The following PDSS2 variants were observed in gnomAD, a reference collection of about 807,000 sequenced individuals.
The protein encoded by PDSS2 is all trans-polyprenyl-diphosphate synthase PDSS2.
In PDSS2, 31 loss-of-function variants were observed where a neutral mutation model predicts 44.5. The observed-to-expected ratio is 0.70, with a 90% CI of 0.52 to 0.94. PDSS2 has a LOEUF of 0.94. Ranked by LOEUF, PDSS2 falls within the 40% of genes least tolerant of loss-of-function variation. The pLI is 0.00. For synonymous variants in PDSS2, 157 were observed against 180.3 expected, an observed-to-expected ratio of 0.87 and a Z score of 1.03; for missense variants, 452 against 482.2, an observed-to-expected ratio of 0.94 and a Z score of 0.59.
intron 3 of PDSS2, among the ~76,000 whole-genome samples, chr6:107,248,348 C>T (rs1774696984): frequency 1.3e-5 from 2 of 151,826 alleles, no homozygotes; most frequent in African/African-American, 2.4e-5. Context: ...GAGCTGAAGT[C>T]CTGTTGCTAT....
chr6:107,314,089 G>A (rs996710338), intron 2 of PDSS2, among the ~76,000 whole-genome samples: 17 of 152,146 alleles, frequency 1.1e-4, no homozygotes, highest in African/African-American at 4.1e-4. Flanking sequence ...CTGTTCTCTA[G>A]CCTGGGTGAC....
intron 1 of PDSS2, among the ~76,000 whole-genome samples, chr6:107,345,766 G>C (rs1243635181): frequency 6.6e-6 from 1 of 152,120 alleles, no homozygotes; most frequent in Non-Finnish European, 1.5e-5. Context: ...CAACATGATG[G>C]TTCAGAAGTT....
At chr6:107,274,810 C>A (rs1396159786) in intron 2 of PDSS2, among the ~76,000 whole-genome samples, 2 of 151,724 alleles carry the variant, frequency 1.3e-5, no homozygotes, top group Non-Finnish European at 2.9e-5. Flanking sequence ...GTAGCTGGGA[C>A]TACAGGTGTG....
chr6:107,229,566 A>T (rs1393093062), intron 4 of PDSS2, among the ~76,000 whole-genome samples: 4 of 152,088 alleles, frequency 2.6e-5, no homozygotes, highest in Non-Finnish European at 5.9e-5. Flanking sequence ...AGCTTCTTTG[A>T]ACTCAAACTC....
At chr6:107,338,302 C>T (rs1195326702) in intron 1 of PDSS2, among the ~76,000 whole-genome samples, 1 of 152,210 alleles carries the variant, frequency 6.6e-6, no homozygotes, top group East Asian at 1.9e-4. Flanking sequence ...TTAAGGGACA[C>T]TGACAAGCTG....
chr6:107,272,183 G>C (rs1775624976), intron 3 of PDSS2, among the ~76,000 whole-genome samples: 1 of 151,988 alleles, frequency 6.6e-6, no homozygotes, highest in South Asian at 2.1e-4. Context: ...AAAAACAGAG[G>C]CTGGAAGTAC....
chr6:107,271,193 G>C (rs1775587243), intron 3 of PDSS2, among the ~76,000 whole-genome samples: 1 of 151,980 alleles, frequency 6.6e-6, no homozygotes, highest in African/African-American at 2.4e-5. Flanking sequence ...CACAGTGGTT[G>C]GTAAATGTCA....
At position 107,356,404 on chromosome 6, in the gene PDSS2, A is replaced by G. The variant is rs1337902066; in HGVS notation, c.297-22072T>C. 3.3e-5 allele frequency among the ~76,000 whole-genome samples: 5 copies of G among 152,252 alleles called. No homozygotes were observed. The South Asian group carries it at 8.3e-4, about 25-fold the overall frequency. ...TTTTACAAAAATGACCTTAAAACCT[A>G]TCACCAACAGTAATGAAAATTCAGG... is the stretch of plus-strand genomic sequence containing the variant. On this transcript the variant is annotated intron_variant, in intron 1 of 7. Coordinates refer to ENST00000369037, the MANE Select transcript of PDSS2 (RefSeq NM_020381.4).
At chr6:107,173,914 A>G (rs1771697447) in intron 7 of PDSS2, among the ~76,000 whole-genome samples, 1 of 152,176 alleles carries the variant, frequency 6.6e-6, no homozygotes, top group Non-Finnish European at 1.5e-5. Context: ...GTGACTCATG[A>G]AAAATGTTGA....
chr6:107,339,112 T>C (rs1389047389), intron 1 of PDSS2, among the ~76,000 whole-genome samples: 1 of 152,184 alleles, frequency 6.6e-6, no homozygotes. Flanking sequence ...GAGCAACCTC[T>C]GGTAATGCTG....
intron 1 of PDSS2, among the ~76,000 whole-genome samples, chr6:107,347,156 G>A (rs1417385529): frequency 6.6e-6 from 1 of 152,148 alleles, no homozygotes; most frequent in African/African-American, 2.4e-5. Flanking sequence ...ACCTGCATGG[G>A]CCCAGCTTGC....
At chr6:107,355,226 T>C (rs1272491522) in intron 1 of PDSS2, among the ~76,000 whole-genome samples, 1 of 152,208 alleles carries the variant, frequency 6.6e-6, no homozygotes, top group African/African-American at 2.4e-5. Flanking sequence ...GCCCTTTCTA[T>C]GCTTCTTACA....
chr6:107,233,216 A>G (rs1246238422), intron 4 of PDSS2, among the ~76,000 whole-genome samples: 1 of 152,164 alleles, frequency 6.6e-6, no homozygotes, highest in Non-Finnish European at 1.5e-5. Flanking sequence ...TGAATTCTTA[A>G]TGCTGCACTT....
At chr6:107,267,755 TTTTTTG>T (rs1465575839) in intron 3 of PDSS2, among the ~76,000 whole-genome samples, 1 of 151,464 alleles carries the variant, frequency 6.6e-6, no homozygotes, top group Non-Finnish European at 1.5e-5. Context: ...CTGTTTTTTG[TTTTTTG>T]TTTTTTTTTT....
chr6:107,239,888 C>G (rs1774360593), intron 4 of PDSS2, among the ~76,000 whole-genome samples: 1 of 151,978 alleles, frequency 6.6e-6, no homozygotes, highest in South Asian at 2.1e-4. Context: ...GTGATCTGCC[C>G]ACCTCAGCCT....
chr6:107,262,579 T>C (rs533716744), intron 3 of PDSS2, among the ~76,000 whole-genome samples: 2 of 152,174 alleles, frequency 1.3e-5, no homozygotes, highest in South Asian at 4.2e-4. Context: ...AAGACCATCC[T>C]GGCTAACACG....
chr6:107,275,335 G>A (rs1775742749), intron 2 of PDSS2, among the ~76,000 whole-genome samples: 1 of 152,028 alleles, frequency 6.6e-6, no homozygotes, highest in Admixed American at 6.6e-5. Flanking sequence ...AAAAAATTGT[G>A]CACACAAGTA....
At chr6:107,396,257 C>T (rs1295312878) in intron 1 of PDSS2, among the ~76,000 whole-genome samples, 1 of 152,138 alleles carries the variant, frequency 6.6e-6, no homozygotes, top group Non-Finnish European at 1.5e-5. Flanking sequence ...GTTATATCAC[C>T]TTGCACATCC....
At chr6:107,324,053 C>T (rs1169559136) in intron 2 of PDSS2, among the ~76,000 whole-genome samples, 2 of 152,224 alleles carry the variant, frequency 1.3e-5, no homozygotes, top group African/African-American at 4.8e-5. Flanking sequence ...TGACTTCTGA[C>T]GTACAGTATG....
Sources: allele counts gnomAD v4.1 joint callset (sites outside exome capture counted in the v4.1 genomes callset), GRCh38; gene constraint gnomAD v4.1.1; transcripts MANE v1.5; gene names NCBI Gene and HGNC (gene_info 2026-07-23, HGNC 2026-07-21).